ANKS1B: variants seen among roughly 807,000 people sequenced by gnomAD.
ANKS1B encodes the protein ankyrin repeat and sterile alpha motif domain containing 1B.
ANKS1B carries 36 observed loss-of-function variants against 148.3 expected under a neutral mutation model. The observed-to-expected ratio is 0.24, with a 90% CI of 0.19 to 0.32. The LOEUF (loss-of-function observed/expected upper bound fraction) is 0.32. Among genes scored for constraint, ANKS1B ranks in the 10% least tolerant of loss-of-function variants. The pLI, the probability that ANKS1B is intolerant of heterozygous loss-of-function variation, is 1.00. For synonymous variants in ANKS1B, 542 were observed against 560.8 expected, an observed-to-expected ratio of 0.97 and a Z score of 0.47; for missense variants, 1,157 against 1,542.6, an observed-to-expected ratio of 0.75 and a Z score of 4.19.
At chr12:99,967,999 C>T (rs1419378921) in intron 1 of ANKS1B, among the ~76,000 whole-genome samples, 1 of 151,554 alleles carries the variant, frequency 6.6e-6, no homozygotes, top group Non-Finnish European at 1.5e-5. Flanking sequence ...CTTATTGGTA[C>T]AGGATAAAAC....
chr12:99,321,406 G>T (rs911768936), intron 12 of ANKS1B, among the ~76,000 whole-genome samples: 35 of 152,146 alleles, frequency 2.3e-4, no homozygotes, highest in Non-Finnish European at 8.8e-5. Flanking sequence ...CGGCAATGGC[G>T]GACGCCCCTC....
chr12:99,304,389 G>A lies in ANKS1B; in HGVS notation c.1757-57525C>T, dbSNP rs1157670038. Among the ~76,000 whole-genome samples, 8 of 152,178 alleles carry A rather than the reference G, an allele frequency of 5.3e-5. No homozygotes were observed. The East Asian group carries it at 9.7e-4, about 18-fold the overall frequency. ...GTTCACATTTGAGCAGAAGGTTCTCGTTCTCTAGTCTATTATATTTTCTTA... is the reference window on the plus strand; with the variant it reads ...GTTCACATTTGAGCAGAAGGTTCTCATTCTCTAGTCTATTATATTTTCTTA... On this transcript the variant is annotated intron_variant, in intron 12 of 26. Transcript: ENST00000683438.
intron 8 of ANKS1B, among the ~76,000 whole-genome samples, chr12:99,712,843 T>C (rs530704632): frequency 6.6e-6 from 1 of 152,202 alleles, no homozygotes; most frequent in Non-Finnish European, 1.5e-5. Flanking sequence ...CCAGGAATAA[T>C]CCTCTGTGGC....
chr12:99,032,741 G>A (rs1353279114), intron 17 of ANKS1B, among the ~76,000 whole-genome samples: 3 of 152,060 alleles, frequency 2.0e-5, no homozygotes, highest in East Asian at 3.9e-4. Flanking sequence ...TTTTTGTTGG[G>A]TCTCATGAAC....
chr12:99,110,725 T>C (rs2060122976), intron 15 of ANKS1B, among the ~76,000 whole-genome samples: 1 of 152,224 alleles, frequency 6.6e-6, no homozygotes, highest in African/African-American at 2.4e-5. Context: ...ACATGGCTTT[T>C]GTCATTAATA....
intron 22 of ANKS1B, among the ~76,000 whole-genome samples, chr12:98,784,646 A>G (rs1309512338): frequency 1.3e-5 from 2 of 152,186 alleles, no homozygotes; most frequent in Non-Finnish European, 2.9e-5. Flanking sequence ...CAGTTAAAGG[A>G]AGCAGAAAGC....
At chr12:99,779,410 ATC>A (rs1306125547) in intron 6 of ANKS1B, among the ~76,000 whole-genome samples, 1 of 152,212 alleles carries the variant, frequency 6.6e-6, no homozygotes, top group African/African-American at 2.4e-5. Flanking sequence ...AACAAATCAA[ATC>A]TCTCAGAGCC....
chr12:99,417,167 A>G (rs969537444), intron 11 of ANKS1B, among the ~76,000 whole-genome samples: 6 of 152,144 alleles, frequency 3.9e-5, no homozygotes, highest in Admixed American at 3.9e-4. Context: ...TTTTTTTCCT[A>G]TTTTTTTCTA....
chr12:99,764,444 C>CA (rs1269368159), intron 8 of ANKS1B, among the ~76,000 whole-genome samples: 1 of 152,144 alleles, frequency 6.6e-6, no homozygotes, highest in East Asian at 1.9e-4. Context: ...TATTTAGAGA[C>CA]AGAGTTTCAC....
intron 17 of ANKS1B, among the ~76,000 whole-genome samples, chr12:98,899,152 C>G (rs1596516953): frequency 1.3e-5 from 2 of 152,228 alleles, no homozygotes; most frequent in East Asian, 3.9e-4. Flanking sequence ...TAGTTAATCT[C>G]CTGACTTTGG....
At chr12:99,375,193 C>T (rs923730197) in intron 12 of ANKS1B, among the ~76,000 whole-genome samples, 1 of 152,208 alleles carries the variant, frequency 6.6e-6, no homozygotes, top group African/African-American at 2.4e-5. Flanking sequence ...CTAGATAATT[C>T]TTTGCTGTGG....
At chr12:99,295,289 G>A (rs1205098709) in intron 12 of ANKS1B, among the ~76,000 whole-genome samples, 1 of 152,150 alleles carries the variant, frequency 6.6e-6, no homozygotes, top group Non-Finnish European at 1.5e-5. Context: ...TTAGCCCAAT[G>A]GCTAATGATA....
chr12:98,929,043 C>CAT (rs762375646), intron 17 of ANKS1B, among the ~76,000 whole-genome samples: 1 of 117,308 alleles, frequency 8.5e-6, no homozygotes, highest in African/African-American at 3.7e-5. Context: ...AACCCTAATA[C>CAT]ACACACACAC....
intron 1 of ANKS1B, among the ~76,000 whole-genome samples, chr12:99,934,003 T>A (rs1002643951): frequency 5.3e-5 from 8 of 152,046 alleles, no homozygotes; most frequent in African/African-American, 1.9e-4. Context: ...GATCATATAG[T>A]TTTTCTCAGT....
chr12:99,737,785 C>T (rs757016486), intron 8 of ANKS1B, among the ~76,000 whole-genome samples: 4 of 151,946 alleles, frequency 2.6e-5, no homozygotes, highest in Non-Finnish European at 4.4e-5. Flanking sequence ...CTTAGATCCT[C>T]GGGTCTTTGT....
chr12:99,637,826 C>T lies in ANKS1B; in HGVS notation c.1272+17241G>A, dbSNP rs994330956. Among the ~76,000 whole-genome samples the T allele has an allele frequency of 4.6e-5, 6 of 131,244 alleles. No homozygotes were observed. The East Asian group carries it at 5.9e-4, about 13-fold the overall frequency. The allele number at this position is 131,244 out of a possible 152,430, so 86.1% of individuals were successfully genotyped here. A position where few individuals can be genotyped will look rare whatever the true frequency, so the allele number is the denominator to read the frequency against. On this transcript the variant is annotated intron_variant, in intron 9 of 26. Coordinates refer to ENST00000683438, the MANE Select transcript of ANKS1B (RefSeq NM_001352186.2). ...ATAATATATATATAATATATATATA[C>T]ACACACATACACATACACGGAGAGA...
intron 14 of ANKS1B, chr12:99,154,796 A>C (rs2153824046): frequency 1.4e-6 from 2 of 1,453,594 alleles, no homozygotes; most frequent in Non-Finnish European, 1.8e-6. Flanking sequence ...CTTTTTTATC[A>C]AGTACTCCTA....
At chr12:99,636,385 T>C (rs2098236367) in intron 9 of ANKS1B, among the ~76,000 whole-genome samples, 1 of 152,190 alleles carries the variant, frequency 6.6e-6, no homozygotes, top group African/African-American at 2.4e-5. Context: ...AGACAACTTA[T>C]TTAACATATA....
chr12:99,088,271 T>C (rs1183864178), intron 15 of ANKS1B, among the ~76,000 whole-genome samples: 1 of 148,992 alleles, frequency 6.7e-6, no homozygotes, highest in Non-Finnish European at 1.5e-5. Context: ...GTCCAAACAC[T>C]AGGGGACTTG....
Sources: gnomAD v4.1 joint callset for allele counts (sites outside exome capture counted in the v4.1 genomes callset) on GRCh38, gnomAD v4.1.1 for gene constraint, MANE v1.5 for transcripts, NCBI Gene and HGNC (gene_info 2026-07-23, HGNC 2026-07-21) for gene names.